Variants in FAM78B observed in about 807,000 individuals in gnomAD.
FAM78B encodes protein FAM78B.
In FAM78B, 10 loss-of-function variants were observed where a neutral mutation model predicts 20.0. The observed-to-expected ratio is 0.50, with a 90% CI of 0.31 to 0.85. The LOEUF is 0.85. Ranked by LOEUF, FAM78B falls within the 40% of genes least tolerant of loss-of-function variation. The pLI is 0.05. For missense variants in FAM78B, 283 were observed against 345.0 expected, an observed-to-expected ratio of 0.82 and a Z score of 1.42; for synonymous variants, 135 against 132.8, an observed-to-expected ratio of 1.02 and a Z score of -0.12.
chr1:166,155,334 T>A (rs1655852336), intron 1 of FAM78B, among the ~76,000 whole-genome samples: 1 of 152,216 alleles, frequency 6.6e-6, no homozygotes, highest in Admixed American at 6.5e-5. Context: ...TGGCACTACT[T>A]AGCTGAGTAA....
At chr1:166,152,024 C>T (rs549886004) in intron 1 of FAM78B, among the ~76,000 whole-genome samples, 2 of 152,330 alleles carry the variant, frequency 1.3e-5, no homozygotes, top group South Asian at 4.1e-4. Context: ...CCCAGATTAT[C>T]TAGAGTCTCT....
At chr1:166,152,316 T>C (rs1655704610) in intron 1 of FAM78B, among the ~76,000 whole-genome samples, 1 of 152,186 alleles carries the variant, frequency 6.6e-6, no homozygotes, top group African/African-American at 2.4e-5. Context: ...GCCCGGGCCT[T>C]TCAGTTCCAC....
chr1:166,105,116 A>G (rs1470471574), intron 1 of FAM78B, among the ~76,000 whole-genome samples: 1 of 152,140 alleles, frequency 6.6e-6, no homozygotes, highest in East Asian at 1.9e-4. Context: ...AGGATTCCCT[A>G]TTTAATAAAT....
chr1:166,086,073 C>CTT (rs77694495), intron 1 of FAM78B, among the ~76,000 whole-genome samples: 140 of 132,906 alleles, frequency 1.1e-3, no homozygotes, highest in African/African-American at 2.9e-3. Flanking sequence ...CTATGTTACT[C>CTT]TTTTTTTTTT....
chr1:166,117,436 A>G (rs1654304197), intron 1 of FAM78B, among the ~76,000 whole-genome samples: 1 of 152,002 alleles, frequency 6.6e-6, no homozygotes, highest in African/African-American at 2.4e-5. Context: ...AATTTAGACA[A>G]CCAGCTTTTA....
At chr1:166,126,528 T>G (rs1033727775) in intron 1 of FAM78B, among the ~76,000 whole-genome samples, 5 of 151,760 alleles carry the variant, frequency 3.3e-5, no homozygotes, top group African/African-American at 1.2e-4. Context: ...AAAAATTTGA[T>G]GGAGGTGAGG....
Position 166,070,282 on chromosome 1 carries a change from G to A in FAM78B, c.745C>T (p.Pro249Ser). 6.4e-7 allele frequency: 1 copy of A among 1,563,148 alleles called. No individual in the cohort carries two copies. Among genetic ancestry groups the A allele is most frequent in the Non-Finnish European group, 8.7e-7 (1 of 1,153,130 alleles). ...ANDAQVLMWR[P>S]KRGPPLVVIP... is the part of the protein sequence containing the mutation. ...ACAACCAGAGGTGGCCCCCGCTTGG[G>A]CCTCCACATGAGGACCTGGGCATCA... The change falls in exon 2 of 2, where the codon CCC becomes TCC. Residue 249 changes from proline to serine, a missense_variant. Pro to Ser is a moderately conservative substitution (Grantham distance 74, BLOSUM62 -1). Coordinates refer to ENST00000354422, the MANE Select transcript of FAM78B (RefSeq NM_001017961.5).
At position 166,165,482 on chromosome 1, in the gene FAM78B, G is replaced by A. The variant is rs571901878; in HGVS notation, c.263+504C>T. Among the ~76,000 whole-genome samples the A allele has an allele frequency of 3.9e-5, 6 of 152,268 alleles. 1 individual carries two copies. The highest frequency in any genetic ancestry group is 1.4e-4 in the African/African-American group (6 of 41,546). ...GGGTTCGAAACTTCAACAGTCGCGA[G>A]GGCAAGGACAGAACTACCAACTCCC... On this transcript the variant is annotated intron_variant, in intron 1 of 1. Coordinates refer to ENST00000354422, the MANE Select transcript of FAM78B (RefSeq NM_001017961.5).
chr1:166,105,293 G>C (rs919885105), intron 1 of FAM78B, among the ~76,000 whole-genome samples: 2 of 152,152 alleles, frequency 1.3e-5, no homozygotes, highest in African/African-American at 2.4e-5. Context: ...ACATAGGCAT[G>C]GGCAAGGACT....
At chr1:166,107,955 T>TA (rs1406948448) in intron 1 of FAM78B, among the ~76,000 whole-genome samples, 1 of 152,162 alleles carries the variant, frequency 6.6e-6, no homozygotes, top group East Asian at 1.9e-4. Flanking sequence ...ACTTTATGAT[T>TA]AAAACTCTCA....
At chr1:166,068,537 G>C (rs1277368306), downstream of FAM78B, among the ~76,000 whole-genome samples, 1 of 152,152 alleles carries the variant, frequency 6.6e-6, no homozygotes, top group Non-Finnish European at 1.5e-5. Context: ...CATCCCCTGG[G>C]ACTAGAATCT....
At chr1:166,092,054 A>G (rs1166231856) in intron 1 of FAM78B, among the ~76,000 whole-genome samples, 1 of 137,978 alleles carries the variant, frequency 7.2e-6, no homozygotes, top group East Asian at 2.3e-4. Context: ...TTTTTTTGCA[A>G]AACAAAAAGT....
At chr1:166,114,422 C>T (rs2101762037) in intron 1 of FAM78B, among the ~76,000 whole-genome samples, 1 of 152,308 alleles carries the variant, frequency 6.6e-6, no homozygotes, top group African/African-American at 2.4e-5. Flanking sequence ...ATAGATGTGC[C>T]ACCTTTTGGA....
chr1:166,157,695 C>T (rs1655962953), intron 1 of FAM78B, among the ~76,000 whole-genome samples: 1 of 152,148 alleles, frequency 6.6e-6, no homozygotes, highest in Admixed American at 6.5e-5. Flanking sequence ...ATCATCCACC[C>T]GAACAGCAAC....
At chr1:166,113,460 T>G (rs959039671) in intron 1 of FAM78B, among the ~76,000 whole-genome samples, 6 of 152,240 alleles carry the variant, frequency 3.9e-5, no homozygotes, top group African/African-American at 1.4e-4. Flanking sequence ...TGTGAAAGCC[T>G]TACAAACATT....
chr1:166,076,637 T>G (rs1388068367), intron 1 of FAM78B, among the ~76,000 whole-genome samples: 2 of 152,180 alleles, frequency 1.3e-5, no homozygotes, highest in Non-Finnish European at 2.9e-5. Context: ...ATATAATCCC[T>G]AAGGCAAGGA....
intron 1 of FAM78B, among the ~76,000 whole-genome samples, chr1:166,084,787 G>A (rs754834687): frequency 1.3e-5 from 2 of 152,124 alleles, no homozygotes; most frequent in Non-Finnish European, 2.9e-5. Context: ...TGCTTGTCAG[G>A]CTTGCCACCT....
chr1:166,061,366 T>C (rs1324169373), intron 2 of FAM78B, among the ~76,000 whole-genome samples: 3 of 152,208 alleles, frequency 2.0e-5, no homozygotes, highest in African/African-American at 7.2e-5. Flanking sequence ...TTTGGTATCT[T>C]TGAATTTTTG....
At chr1:166,155,440 G>C (rs954787702) in intron 1 of FAM78B, among the ~76,000 whole-genome samples, 6 of 152,176 alleles carry the variant, frequency 3.9e-5, no homozygotes, top group African/African-American at 1.4e-4. Flanking sequence ...TGCATCTAAA[G>C]CATCTGGCAC....
Sources: allele counts gnomAD v4.1 joint callset (sites outside exome capture counted in the v4.1 genomes callset), GRCh38; gene constraint gnomAD v4.1.1; transcripts MANE v1.5; gene names NCBI Gene and HGNC (gene_info 2026-07-23, HGNC 2026-07-21).